CNBD1: variants seen among roughly 807,000 people sequenced by gnomAD.
CNBD1 encodes the protein cyclic nucleotide-binding domain-containing protein 1.
In CNBD1, 71 loss-of-function variants were observed where a neutral mutation model predicts 54.4. The ratio of observed to expected loss-of-function variants is 1.30; its 90% CI spans 1.08 to 1.59. The LOEUF is 1.59. CNBD1 is among the 40% of genes most tolerant of loss of function. The probability of loss-of-function intolerance (pLI) is 0.00; values close to 1 mark genes in which losing one functional copy is unlikely to be tolerated. For missense variants in CNBD1, 659 were observed against 518.0 expected (o/e 1.27, Z -2.64); for synonymous variants, 182 against 170.7 (o/e 1.07, Z -0.51).
intron 5 of CNBD1, among the ~76,000 whole-genome samples, chr8:87,215,258 G>A (rs1266165279): frequency 6.6e-6 from 1 of 152,120 alleles, no homozygotes; most frequent in Admixed American, 6.5e-5. Flanking sequence ...GCTTTTATAT[G>A]AAATCTCCAG....
chr8:87,324,971 T>C (rs1809636360), intron 8 of CNBD1, among the ~76,000 whole-genome samples: 1 of 107,448 alleles, frequency 9.3e-6, no homozygotes, highest in South Asian at 2.5e-4. Flanking sequence ...CACACTGCTT[T>C]GAATGCGTCC....
At chr8:87,071,327 C>G (rs1297555206) in intron 4 of CNBD1, among the ~76,000 whole-genome samples, 4 of 152,030 alleles carry the variant, frequency 2.6e-5, no homozygotes, top group Non-Finnish European at 1.5e-5. Context: ...GGCAATGGAG[C>G]CTCAACTTTG....
At chr8:86,989,039 G>A (rs1490971268) in intron 4 of CNBD1, among the ~76,000 whole-genome samples, 1 of 152,132 alleles carries the variant, frequency 6.6e-6, no homozygotes, top group Non-Finnish European at 1.5e-5. Flanking sequence ...GGAGGCTAAG[G>A]TGGTTAGGAT....
At chr8:87,331,365 A>G (rs1227563300) in intron 8 of CNBD1, among the ~76,000 whole-genome samples, 1 of 152,184 alleles carries the variant, frequency 6.6e-6, no homozygotes, top group Admixed American at 6.5e-5. Context: ...TTCCAGTTTC[A>G]TCAAAGTCCC....
intron 8 of CNBD1, among the ~76,000 whole-genome samples, chr8:87,349,981 A>G (rs1810251214): frequency 6.6e-6 from 1 of 152,204 alleles, no homozygotes; most frequent in Non-Finnish European, 1.5e-5. Flanking sequence ...GAATTATAGT[A>G]GTACAGGTCT....
At chr8:87,371,465 T>A (rs1810793855) in intron 10 of CNBD1, among the ~76,000 whole-genome samples, 1 of 151,980 alleles carries the variant, frequency 6.6e-6, no homozygotes, top group African/African-American at 2.4e-5. Context: ...TTTGGATTCC[T>A]AAGTACTTCT....
chr8:87,213,764 C>A (rs757424547), intron 5 of CNBD1, among the ~76,000 whole-genome samples: 1 of 152,126 alleles, frequency 6.6e-6, no homozygotes. Flanking sequence ...AACAATCTCC[C>A]AAAGTCTTAA....
Position 87,301,480 on chromosome 8 carries a change from T to G in CNBD1, c.1042+14809T>G, listed in dbSNP as rs142695630. Among the ~76,000 whole-genome samples the G allele has an allele frequency of 6.2e-3, 915 of 147,378 alleles. 9 individuals carry two copies. Among genetic ancestry groups the G allele is most frequent in the Non-Finnish European group, 0.011 (713 of 65,840 alleles). On this transcript the variant is annotated intron_variant, in intron 8 of 10. Coordinates refer to ENST00000518476, the MANE Select transcript of CNBD1 (RefSeq NM_173538.3). ...TTTGCTAACTAAATCCAACAACATA[T>G]CAAAAAGATAATCTGCCATGATAAC...
intron 4 of CNBD1, among the ~76,000 whole-genome samples, chr8:87,109,831 C>T (rs866294858): frequency 6.6e-6 from 1 of 152,146 alleles, no homozygotes; most frequent in East Asian, 1.9e-4. Flanking sequence ...AGCCACCGTG[C>T]CCAGCCAAGT....
chr8:86,883,335 C>T (rs1380513517), intron 1 of CNBD1, among the ~76,000 whole-genome samples: 3 of 151,992 alleles, frequency 2.0e-5, no homozygotes, highest in Non-Finnish European at 2.9e-5. Flanking sequence ...TTTGCTTTTC[C>T]TGGGCAACAT....
chr8:87,178,070 AAAAAGGTGAAAT>A (rs1271800957), intron 4 of CNBD1, among the ~76,000 whole-genome samples: 1 of 152,256 alleles, frequency 6.6e-6, no homozygotes, highest in African/African-American at 2.4e-5. Context: ...TATCTTAAGA[AAAAAGGTGAAAT>A]AATAATTCCT....
intron 8 of CNBD1, among the ~76,000 whole-genome samples, chr8:87,313,548 C>T (rs1163613344): frequency 2.0e-5 from 3 of 151,926 alleles, no homozygotes; most frequent in Admixed American, 6.6e-5. Context: ...GTTTTTAATG[C>T]ATGGAACCAT....
chr8:86,886,411 A>T (rs1808681313), intron 1 of CNBD1, among the ~76,000 whole-genome samples: 1 of 152,176 alleles, frequency 6.6e-6, no homozygotes, highest in African/African-American at 2.4e-5. Flanking sequence ...TCATGTAATC[A>T]GTATTTCCAA....
chr8:86,900,518 T>C (rs1413376472), intron 2 of CNBD1, among the ~76,000 whole-genome samples: 1 of 152,200 alleles, frequency 6.6e-6, no homozygotes, highest in Non-Finnish European at 1.5e-5. Flanking sequence ...ATTTTTAAAC[T>C]GTCTGATATC....
intron 6 of CNBD1, among the ~76,000 whole-genome samples, chr8:87,274,480 A>G (rs201896574): frequency 9.4e-5 from 14 of 148,296 alleles, no homozygotes; most frequent in African/African-American, 2.3e-4. Flanking sequence ...GTGTGAGATG[A>G]TATCTCATTG....
Position 87,379,322 on chromosome 8 carries a change from C to T in CNBD1, c.1304-3298C>T, listed in dbSNP as rs542803322. On this transcript the variant is annotated intron_variant, in intron 10 of 10. Coordinates refer to ENST00000518476, the MANE Select transcript of CNBD1 (RefSeq NM_173538.3). The stretch of plus-strand genomic sequence containing the variant: ...CCACTGTCAACATTAGACAGATCAA[C>T]GAGACAGAAAGTCAACAAGGATACC... Among the ~76,000 whole-genome samples, 9 of 151,916 alleles carry T rather than the reference C, an allele frequency of 5.9e-5. No individual in the cohort carries two copies. In the South Asian group the frequency reaches 8.3e-4, roughly 14 times the overall value.
intron 2 of CNBD1, among the ~76,000 whole-genome samples, chr8:87,411,199 G>A (rs1807735453): frequency 1.3e-5 from 2 of 151,452 alleles, no homozygotes; most frequent in South Asian, 4.2e-4. Context: ...AGAGTGTATA[G>A]CCATCCAAGG....
intron 8 of CNBD1, among the ~76,000 whole-genome samples, chr8:87,323,431 C>A (rs1300962612): frequency 7.3e-6 from 1 of 136,796 alleles, no homozygotes; most frequent in East Asian, 2.0e-4. Flanking sequence ...TTCTTCCTAC[C>A]CATGAGCATG....
At chr8:86,986,914 T>C (rs1808621161) in intron 4 of CNBD1, among the ~76,000 whole-genome samples, 1 of 152,194 alleles carries the variant, frequency 6.6e-6, no homozygotes, top group African/African-American at 2.4e-5. Context: ...TGCTTTAGCC[T>C]TATAGTATAG....
Sources: allele counts gnomAD v4.1 joint callset (sites outside exome capture counted in the v4.1 genomes callset), GRCh38; gene constraint gnomAD v4.1.1; transcripts MANE v1.5; gene names NCBI Gene and HGNC (gene_info 2026-07-23, HGNC 2026-07-21).